LRRC37A2: variants seen among roughly 807,000 people sequenced by gnomAD.
LRRC37A2 encodes leucine-rich repeat-containing protein 37A2.
Under a neutral mutation model 68.8 loss-of-function variants are expected in LRRC37A2, and 9 were observed. The ratio of observed to expected loss-of-function variants is 0.13; its 90% CI spans 0.08 to 0.23. The LOEUF (loss-of-function observed/expected upper bound fraction) is 0.23. Ranked by LOEUF, LRRC37A2 falls within the 10% of genes least tolerant of loss-of-function variation. The pLI, the probability that LRRC37A2 is intolerant of heterozygous loss-of-function variation, is 1.00. For missense variants in LRRC37A2, 168 were observed against 950.4 expected, an observed-to-expected ratio of 0.18 and a Z score of 10.82; for synonymous variants, 63 against 367.6, an observed-to-expected ratio of 0.17 and a Z score of 9.48.
the LRRC37A2 span, among the ~76,000 whole-genome samples, chr17:46,984,376 C>G: frequency 6.6e-6 from 1 of 152,110 alleles, no homozygotes; most frequent in Non-Finnish European, 1.5e-5. Context: ...CCGAGCCGGG[C>G]TTAGAGGGGC....
the LRRC37A2 span, among the ~76,000 whole-genome samples, chr17:47,003,827 T>A: frequency 6.6e-6 from 1 of 152,170 alleles, no homozygotes; most frequent in Non-Finnish European, 1.5e-5. Context: ...CCTATTAACT[T>A]GTCATTTACA....
chr17:46,870,152 G>A, the LRRC37A2 span, among the ~76,000 whole-genome samples: 1 of 152,268 alleles, frequency 6.6e-6, no homozygotes, highest in African/African-American at 2.4e-5. Flanking sequence ...CTCCCTGCTT[G>A]CTCTCCCCTC....
chr17:46,922,194 G>A, the LRRC37A2 span, among the ~76,000 whole-genome samples: 1 of 152,172 alleles, frequency 6.6e-6, no homozygotes, highest in Non-Finnish European at 1.5e-5. Context: ...GGACACGGAT[G>A]AAGCTGGAAA....
At chr17:46,980,666 C>CAAAAAAAAAAAAAAAA in the LRRC37A2 span, among the ~76,000 whole-genome samples, 17 of 83,882 alleles carry the variant, frequency 2.0e-4, no homozygotes, top group East Asian at 1.0e-3. Context: ...ACTAAAAATA[C>CAAAAAAAAAAAAAAAA]AAAAAAAAAA....
chr17:46,440,411 T>G, the LRRC37A2 span, among the ~76,000 whole-genome samples: 1 of 78,706 alleles, frequency 1.3e-5, no homozygotes, highest in South Asian at 5.3e-4. Context: ...TTTTTTTTTT[T>G]GGCGGGGTGG....
At chr17:46,925,615 C>T in the LRRC37A2 span, among the ~76,000 whole-genome samples, 1 of 152,304 alleles carries the variant, frequency 6.6e-6, no homozygotes, top group African/African-American at 2.4e-5. Context: ...GAATGACTTT[C>T]ACAAGAAACA....
the LRRC37A2 span, among the ~76,000 whole-genome samples, chr17:46,990,709 C>T: frequency 3.3e-5 from 5 of 151,720 alleles, no homozygotes; most frequent in African/African-American, 1.2e-4. Flanking sequence ...CTTGTTATGT[C>T]GCCCAGGCTA....
chr17:46,859,046 G>A, the LRRC37A2 span, among the ~76,000 whole-genome samples: 7 of 146,290 alleles, frequency 4.8e-5, no homozygotes, highest in African/African-American at 1.0e-4. Context: ...GCATGATCTC[G>A]GCTCACTGCA....
intron 6 of LRRC37A2, 60 bp from the exon 6 acceptor site, chr17:46,540,116 T>A: frequency 6.4e-7 from 1 of 1,574,638 alleles, no homozygotes; most frequent in Non-Finnish European, 8.5e-7. Flanking sequence ...GAATGTAAAC[T>A]TTTCATGCAG....
chr17:46,855,126 C>T, the LRRC37A2 span, among the ~76,000 whole-genome samples: 1 of 152,162 alleles, frequency 6.6e-6, no homozygotes. Context: ...TGAATAGAAA[C>T]CCTGCTTCCA....
the LRRC37A2 span, among the ~76,000 whole-genome samples, chr17:46,845,470 GAGTGAGTTATCTGA>G: frequency 6.6e-6 from 1 of 151,374 alleles, no homozygotes; most frequent in African/African-American, 2.4e-5. Flanking sequence ...AGGGACAATG[GAGTGAGTTATCTGA>G]ATTTTTTTTT....
At chr17:46,897,451 C>T in the LRRC37A2 span, among the ~76,000 whole-genome samples, 26 of 152,080 alleles carry the variant, frequency 1.7e-4, no homozygotes, top group African/African-American at 5.8e-4. Context: ...GACCTAGAAC[C>T]CTGGAGGAGT....
At chr17:46,906,082 G>A in the LRRC37A2 span, among the ~76,000 whole-genome samples, 1 of 152,158 alleles carries the variant, frequency 6.6e-6, no homozygotes, top group Non-Finnish European at 1.5e-5. Context: ...TGTGTTCCCT[G>A]CCTGTCGTTC....
At chr17:46,855,811 G>A in the LRRC37A2 span, among the ~76,000 whole-genome samples, 2 of 152,058 alleles carry the variant, frequency 1.3e-5, no homozygotes, top group African/African-American at 4.8e-5. Context: ...AGATTCTCCT[G>A]CCTCAGCTTC....
At chr17:46,877,137 G>A in the LRRC37A2 span, 1 of 965,310 alleles carries the variant, frequency 1.0e-6, no homozygotes, top group African/African-American at 1.8e-5. Context: ...GCCAAGGCAG[G>A]CAGTGCCAGC....
chr17:47,023,541 T>C, the LRRC37A2 span, among the ~76,000 whole-genome samples: 412 of 152,114 alleles, frequency 2.7e-3, no homozygotes, highest in African/African-American at 9.3e-3. Flanking sequence ...AGTAGCCAGG[T>C]GTGGTGGTGG....
At chr17:46,837,828 A>T in the LRRC37A2 span, among the ~76,000 whole-genome samples, 1 of 152,218 alleles carries the variant, frequency 6.6e-6, no homozygotes, top group Non-Finnish European at 1.5e-5. Context: ...GCACTGCAAA[A>T]GGTTACACCA....
At chr17:46,923,198 T>C in the LRRC37A2 span, 1 of 1,547,316 alleles carries the variant, frequency 6.5e-7, no homozygotes, top group Non-Finnish European at 8.7e-7. Flanking sequence ...GCGACATGGA[T>C]CCCCTGTTCC....
intron 12 of LRRC37A2, chr17:46,554,084 A>T (rs2057109021): frequency 2.0e-6 from 2 of 983,920 alleles, no homozygotes; most frequent in African/African-American, 3.8e-5. Flanking sequence ...CTGAGGAAAC[A>T]CTATTTTCTC....
Sources: gnomAD v4.1 joint callset for allele counts (sites outside exome capture counted in the v4.1 genomes callset) on GRCh38, gnomAD v4.1.1 for gene constraint, MANE v1.5 for transcripts, NCBI Gene and HGNC (gene_info 2026-07-23, HGNC 2026-07-21) for gene names.